Variants in RUNX3 observed in about 807,000 individuals in gnomAD.
The protein encoded by RUNX3 is RUNX family transcription factor 3.
In RUNX3, 10 loss-of-function variants were observed where a neutral mutation model predicts 27.7. That is an observed-to-expected ratio of 0.36 (90% CI 0.22 to 0.61). The LOEUF (loss-of-function observed/expected upper bound fraction) is 0.61. RUNX3 is among the 20% of genes least tolerant of loss of function. The probability of loss-of-function intolerance (pLI) is 0.72; values close to 1 mark genes in which losing one functional copy is unlikely to be tolerated. For synonymous variants in RUNX3, 270 were observed against 269.2 expected (o/e 1.00, Z -0.03); for missense variants, 469 against 629.5 (o/e 0.75, Z 2.73).
At chr1:24,956,808 C>T (rs1641942294) in intron 2 of RUNX3, among the ~76,000 whole-genome samples, 1 of 152,198 alleles carries the variant, frequency 6.6e-6, no homozygotes, top group African/African-American at 2.4e-5. Context: ...CCCTCCTTTC[C>T]TCCCCACCCC....
Position 24,947,348 on chromosome 1 carries a change from A to G in RUNX3, c.58+17166T>C, listed in dbSNP as rs1168258423. On this transcript the variant is annotated intron_variant, in intron 2 of 6. Coordinates refer to the RUNX3 transcript ENST00000338888. The stretch of plus-strand genomic sequence containing the variant: ...GGTCCTGTGCCTGTTTTTTCTCCAT[A>G]TGTGCCCTGGGCAGCTCACCCTCTC... 2.0e-5 allele frequency among the ~76,000 whole-genome samples: 3 copies of G among 152,116 alleles called. No individual in the cohort carries two copies. The East Asian group carries it at 5.8e-4, about 29-fold the overall frequency.
intron 4 of RUNX3, among the ~76,000 whole-genome samples, chr1:24,903,400 G>T (rs1016970605): frequency 4.6e-5 from 7 of 152,214 alleles, no homozygotes; most frequent in Admixed American, 4.6e-4. Flanking sequence ...ACCCTAACCT[G>T]CCTTGGCAGC....
intron 3 of RUNX3, among the ~76,000 whole-genome samples, chr1:24,909,183 TGCAGG>T (rs1055093785): frequency 6.6e-6 from 1 of 152,180 alleles, no homozygotes; most frequent in Non-Finnish European, 1.5e-5. Context: ...ATATCAAGCT[TGCAGG>T]GACCTCCCCC....
intron 2 of RUNX3, among the ~76,000 whole-genome samples, chr1:24,957,336 T>TCATCCATCCATCCATCCATC (rs72443915): frequency 6.7e-6 from 1 of 149,786 alleles, no homozygotes. Flanking sequence ...ATTCATTCGT[T>TCATCCATCCATCCATCCATC]CATCCATCCA....
chr1:24,911,725 C>T (rs2124264388), intron 3 of RUNX3, among the ~76,000 whole-genome samples: 1 of 152,344 alleles, frequency 6.6e-6, no homozygotes, highest in Non-Finnish European at 1.5e-5. Context: ...ACTCCAAGCC[C>T]AGGGCTCTTT....
At position 24,960,755 on chromosome 1, in the gene RUNX3, G is replaced by A. The variant is rs1351149177; in HGVS notation, c.58+3759C>T. Among the ~76,000 whole-genome samples the A allele has an allele frequency of 2.0e-5, 3 of 152,146 alleles. No homozygotes were observed. In the East Asian group the frequency reaches 5.8e-4, roughly 29 times the overall value. On this transcript the variant is annotated intron_variant, in intron 2 of 6. Coordinates refer to the RUNX3 transcript ENST00000338888. Reference sequence around the variant, plus strand: ...TCTGGCCCCCAGTGGAACCGTGCATGGGCAAGGGGTCCTCAGGGCCATTGG... The same window carrying A: ...TCTGGCCCCCAGTGGAACCGTGCATAGGCAAGGGGTCCTCAGGGCCATTGG...
intron 3 of RUNX3, among the ~76,000 whole-genome samples, chr1:24,907,922 G>C (rs1313798917): frequency 7.0e-4 from 70 of 100,656 alleles, no homozygotes; most frequent in South Asian, 1.6e-3. Context: ...ACACTGTGAT[G>C]TAAACCTCTA....
At chr1:24,964,577 G>T (rs185227837) in exon 2 of RUNX3, 2 of 1,609,350 alleles carry the variant, frequency 1.2e-6, no homozygotes, top group Non-Finnish European at 1.7e-6. Context: ...GCCATGCCCC[G>T]CTCTGAAGAA....
Position 24,904,347 on chromosome 1 carries a change from T to G in RUNX3, c.704-1681A>C, listed in dbSNP as rs971393351. 1.3e-5 allele frequency among the ~76,000 whole-genome samples: 2 copies of G among 152,198 alleles called. No homozygotes were observed. Among genetic ancestry groups the G allele is most frequent in the East Asian group, 3.9e-4 (2 of 5,186 alleles). On this transcript the variant is annotated intron_variant, in intron 4 of 4. Transcript: ENST00000308873. This position sits in a 1 kb window ranked among gnomAD's most constrained non-coding sequence, Gnocchi z 5.7. Reference sequence around the variant, plus strand: ...GTATGTTTCCCTCAGCAGCGTACTCTGGCCCTGGGCGTGGATCCGAACGGA... The same window carrying G: ...GTATGTTTCCCTCAGCAGCGTACTCGGGCCCTGGGCGTGGATCCGAACGGA...
At chr1:24,960,286 A>T (rs1297890041) in intron 2 of RUNX3, among the ~76,000 whole-genome samples, 1 of 152,232 alleles carries the variant, frequency 6.6e-6, no homozygotes, top group Admixed American at 6.5e-5. Context: ...TGTGCCAGGC[A>T]TCATGCTCCT....
chr1:24,959,892 C>G (rs1416036638), intron 2 of RUNX3, among the ~76,000 whole-genome samples: 1 of 152,214 alleles, frequency 6.6e-6, no homozygotes, highest in Non-Finnish European at 1.5e-5. Flanking sequence ...ACCACGCTCC[C>G]AGCCCTCCCT....
intron 2 of RUNX3, among the ~76,000 whole-genome samples, chr1:24,945,062 G>C (rs1321793595): frequency 6.6e-6 from 1 of 152,192 alleles, no homozygotes; most frequent in Non-Finnish European, 1.5e-5. Context: ...TTCTCTCACA[G>C]AAGGTCAGCT....
At chr1:24,947,077 C>A (rs1641626915) in intron 2 of RUNX3, among the ~76,000 whole-genome samples, 1 of 152,128 alleles carries the variant, frequency 6.6e-6, no homozygotes, top group African/African-American at 2.4e-5. Context: ...ACGTGCCAGA[C>A]CCTCTGCGTC....
rs1641040556 is a variant in RUNX3 at position 24,923,581 on chromosome 1, C to G, written c.439+3993G>C. Among the ~76,000 whole-genome samples, 1 of 152,150 alleles carries G rather than the reference C, an allele frequency of 6.6e-6. No individual in the cohort carries two copies. The highest frequency in any genetic ancestry group is 2.4e-5 in the African/African-American group (1 of 41,430). ...CTCCAGAAACTCCTCCAGGACCCAT[C>G]ATCAACCAGCCGGGGTGGCAGCAGG... On this transcript the variant is annotated intron_variant, in intron 2 of 4. Coordinates refer to ENST00000308873, the MANE Select transcript of RUNX3 (RefSeq NM_004350.3). The surrounding 1 kb of genome is among the most constrained non-coding windows in gnomAD (Gnocchi z 5.9).
At chr1:24,940,548 A>G (rs1489208157) in intron 2 of RUNX3, among the ~76,000 whole-genome samples, 1 of 152,210 alleles carries the variant, frequency 6.6e-6, no homozygotes, top group East Asian at 1.9e-4. Context: ...TCTTATAAAT[A>G]GAAAATGACA....
In RUNX3 at chr1:24,927,924, G is replaced by A. The variant is rs1356153736; in HGVS notation, c.283-194C>T. The stretch of plus-strand genomic sequence containing the variant: ...CCAAATATCACGAAAACAAGAAGAT[G>A]GAATCTCGAGCTTCCACACCAAAAT... On this transcript the variant is annotated intron_variant, in intron 1 of 4. Transcript: ENST00000308873. This position sits in a 1 kb window ranked among gnomAD's most constrained non-coding sequence, Gnocchi z 5.0. Among the ~76,000 whole-genome samples the A allele has an allele frequency of 6.6e-6, 1 of 152,130 alleles. No individual in the cohort carries two copies. The highest frequency in any genetic ancestry group is 2.4e-5 in the African/African-American group (1 of 41,406).
intron 2 of RUNX3, among the ~76,000 whole-genome samples, chr1:24,952,714 C>T (rs980251145): frequency 1.3e-5 from 2 of 152,206 alleles, no homozygotes; most frequent in African/African-American, 2.4e-5. Context: ...ATTCAGCCCC[C>T]ACAGCGGCCT....
intron 2 of RUNX3, among the ~76,000 whole-genome samples, chr1:24,945,469 A>G (rs904763926): frequency 1.3e-5 from 2 of 152,222 alleles, no homozygotes; most frequent in Non-Finnish European, 2.9e-5. Context: ...AGACAGTTTC[A>G]TAGCCGCTTC....
chr1:24,927,812 C>G lies in RUNX3; in HGVS notation c.283-82G>C. 1 of 1,254,392 alleles carries G rather than the reference C, an allele frequency of 8.0e-7. No homozygotes were observed. Among genetic ancestry groups the G allele is most frequent in the Non-Finnish European group, 1.2e-6 (1 of 858,896 alleles). 77.7% of individuals were successfully genotyped at this position (1,254,392 alleles called of 1,614,324 possible). On this transcript the variant is annotated intron_variant, in intron 1 of 4. Transcript: ENST00000308873. This position sits in a 1 kb window ranked among gnomAD's most constrained non-coding sequence, Gnocchi z 5.0. ...CAGGGAAAGGAGGGGAGGGGCTGGG[C>G]TGGGCAGCTCCCCCAGGTCCCAGGC...
Sources: gnomAD v4.1 joint callset for allele counts (sites outside exome capture counted in the v4.1 genomes callset) on GRCh38, gnomAD v4.1.1 for gene constraint, Gnocchi (gnomAD v3.1) non-coding constraint, MANE v1.5 for transcripts, NCBI Gene and HGNC (gene_info 2026-07-23, HGNC 2026-07-21) for gene names.